SPTB: variants seen among roughly 807,000 people sequenced by gnomAD.
SPTB encodes spectrin beta chain, erythrocytic.
A neutral mutation model predicts 256.2 loss-of-function variants in SPTB; 45 were observed. That is an observed-to-expected ratio of 0.18 (90% CI 0.14 to 0.23). The LOEUF (loss-of-function observed/expected upper bound fraction) is 0.23. SPTB is among the 10% of genes least tolerant of loss of function. SPTB has a pLI of 1.00. For synonymous variants in SPTB, 1,231 were observed against 1,243.1 expected, an observed-to-expected ratio of 0.99 and a Z score of 0.21; for missense variants, 2,715 against 3,040.4, an observed-to-expected ratio of 0.89 and a Z score of 2.52.
At position 64,773,062 on chromosome 14, in the gene SPTB, C is replaced by T. The variant is rs557632104; in HGVS notation, c.5179-108G>A. 1,192 of 1,558,220 alleles carry T rather than the reference C, an allele frequency of 7.6e-4. 11 individuals carry two copies. In the South Asian group the frequency reaches 9.5e-3, roughly 12 times the overall value. Reference sequence around the variant, plus strand: ...GCAGCAACTGCAGCTCCGGGAGCTGCGCTGTCACACCTTCCCCAGGGCAGG... The same window carrying T: ...GCAGCAACTGCAGCTCCGGGAGCTGTGCTGTCACACCTTCCCCAGGGCAGG... On this transcript the variant is annotated intron_variant, in intron 25 of 35. Transcript: ENST00000644917.
intron 2 of SPTB, among the ~76,000 whole-genome samples, chr14:64,822,350 CTTCT>C (rs1458757606): frequency 1.9e-5 from 1 of 52,338 alleles, no homozygotes; most frequent in Non-Finnish European, 3.3e-5. Context: ...CCACCCCCAC[CTTCT>C]CTCTCTCTCT....
intron 1 of SPTB, among the ~76,000 whole-genome samples, chr14:64,839,337 A>G (rs903251901): frequency 5.3e-5 from 8 of 152,322 alleles, no homozygotes; most frequent in South Asian, 2.1e-4. Context: ...CAGGCTGCTC[A>G]CTGTCTGATT....
In SPTB at chr14:64,779,047, A is replaced by G. The variant is rs967173702; in HGVS notation, c.4563+110T>C. ...AGACCCCAAAGCTACCAACAAGAACAATAATCTGCTGTTGCTAGCCTTCTG... is the reference window on the plus strand; with the variant it reads ...AGACCCCAAAGCTACCAACAAGAACGATAATCTGCTGTTGCTAGCCTTCTG... On this transcript the variant is annotated intron_variant, in intron 22 of 35. Coordinates refer to ENST00000644917, the MANE Select transcript of SPTB (RefSeq NM_001355436.2). The surrounding 1 kb of genome is among the most constrained non-coding windows in gnomAD (Gnocchi z 4.2). The G allele has an allele frequency of 4.8e-5, 39 of 817,844 alleles. No homozygotes were observed. The highest frequency in any genetic ancestry group is 8.0e-5 in the Non-Finnish European group (39 of 484,616). 50.7% of individuals were successfully genotyped at this position (817,844 alleles called of 1,614,324 possible).
chr14:64,774,613 C>G lies in SPTB; in HGVS notation c.4843-86G>C. 4 of 1,541,398 alleles carry G rather than the reference C, an allele frequency of 2.6e-6. No individual in the cohort carries two copies. The Admixed American group carries it at 7.8e-5, about 30-fold the overall frequency. On this transcript the variant is annotated intron_variant, in intron 23 of 35. Transcript: ENST00000644917. ...AGTTGTGCCCCCACTCCTGGAGGTGCCCGAGGGAGGAGGGGAGTAGGCTTG... is the reference window on the plus strand; with the variant it reads ...AGTTGTGCCCCCACTCCTGGAGGTGGCCGAGGGAGGAGGGGAGTAGGCTTG...
intron 2 of SPTB, among the ~76,000 whole-genome samples, chr14:64,822,351 T>TTCTCTCTCTC (rs200994413): frequency 4.9e-4 from 4 of 8,210 alleles, no homozygotes; most frequent in African/African-American, 1.3e-3. Context: ...CACCCCCACC[T>TTCTCTCTCTC]TCTCTCTCTC....
rs1405728123 is a variant in SPTB at position 64,795,052 on chromosome 14, C to T, written c.1644+285G>A. Among the ~76,000 whole-genome samples the T allele has an allele frequency of 6.6e-6, 1 of 152,202 alleles. No individual in the cohort carries two copies. Among genetic ancestry groups the T allele is most frequent in the Non-Finnish European group, 1.5e-5 (1 of 68,032 alleles). On this transcript the variant is annotated intron_variant, in intron 12 of 35. Transcript: ENST00000644917. This position sits in a 1 kb window ranked among gnomAD's most constrained non-coding sequence, Gnocchi z 6.5. ...GATTCTCCAGGTTCCTGATTAATGT[C>T]TGTCTCTTCAAGGCCCTGAAGGTTG... is the stretch of plus-strand genomic sequence containing the variant.
chr14:64,801,444 C>A (rs747751142), intron 6 of SPTB, 44 bp from the exon 7 acceptor site: 4 of 1,450,626 alleles, frequency 2.8e-6, no homozygotes, highest in Non-Finnish European at 3.9e-6. Flanking sequence ...GCCACAGCAT[C>A]CCCACCAGGA....
At chr14:64,838,464 G>A (rs1594830891) in intron 1 of SPTB, among the ~76,000 whole-genome samples, 1 of 152,132 alleles carries the variant, frequency 6.6e-6, no homozygotes, top group East Asian at 1.9e-4. Context: ...ACAAGCCACG[G>A]ACTAGCTGGA....
At position 64,782,309 on chromosome 14, in the gene SPTB, C is replaced by G; in HGVS notation, c.4247G>C (p.Arg1416Pro). 1.9e-6 allele frequency: 3 copies of G among 1,614,208 alleles called. No homozygotes were observed. The highest frequency in any genetic ancestry group is 2.5e-6 in the Non-Finnish European group (3 of 1,180,040). Residue 1416 changes from arginine to proline, a missense_variant, in exon 20 of 36, where the codon CGG becomes CCG. Arg to Pro is a moderately radical substitution (Grantham distance 103). Around this residue, in one of 4 missense-constraint regions of SPTB, gnomAD observed 2,239 missense variants for 2,384.4 expected, o/e 0.94. Coordinates refer to ENST00000644917, the MANE Select transcript of SPTB (RefSeq NM_001355436.2). ...DPGKDLTSVN[R>P]MLAKLKRVED... is the part of the protein sequence containing the mutation. ...ACGTGCCTTCAGCTTAGCCAACATC[C>G]GATTGACACTGGTCAGGTCCTTGCC...
At chr14:64,878,403 A>G (rs191220672) in intron 1 of SPTB, among the ~76,000 whole-genome samples, 27 of 152,300 alleles carry the variant, frequency 1.8e-4, no homozygotes, top group Non-Finnish European at 3.4e-4. Flanking sequence ...CTTAGAAAAA[A>G]AAAGGTGTTT....
At chr14:64,781,850 T>C (rs781077157) in intron 20 of SPTB, among the ~76,000 whole-genome samples, 1 of 152,136 alleles carries the variant, frequency 6.6e-6, no homozygotes, top group African/African-American at 2.4e-5. Flanking sequence ...AAAGAAAATA[T>C]GATACATATA....
At chr14:64,803,472 T>C in intron 4 of SPTB, 135 bp downstream of exon 4, 2 of 1,106,460 alleles carry the variant, frequency 1.8e-6, no homozygotes, top group Non-Finnish European at 2.7e-6. Context: ...CTACAAGCAC[T>C]GTCCCATGTG....
chr14:64,794,456 C>T lies in SPTB; in HGVS notation c.1795+11G>A, dbSNP rs563928990. The T allele has an allele frequency of 2.4e-5, 38 of 1,614,180 alleles. No homozygotes were observed. The highest frequency in any genetic ancestry group is 3.1e-5 in the Non-Finnish European group (36 of 1,180,038). On this transcript the variant is annotated intron_variant, in intron 13 of 35. Transcript: ENST00000644917. ...TGGAAGCCTCAAAAGGGGAGACAGACTTGGTCTCACCTTTCCCCTCGGTGA... is the reference window on the plus strand; with the variant it reads ...TGGAAGCCTCAAAAGGGGAGACAGATTTGGTCTCACCTTTCCCCTCGGTGA...
At position 64,854,190 on chromosome 14, in the gene SPTB, T is replaced by TCAAAA. The variant is rs542125588; in HGVS notation, c.-52+25597_-52+25601dup. Among the ~76,000 whole-genome samples, 37 of 143,696 alleles carry TCAAAA rather than the reference T, an allele frequency of 2.6e-4. 1 individual carries two copies. The South Asian group carries it at 5.3e-3, about 21-fold the overall frequency. 94.3% of individuals were successfully genotyped at this position (143,696 alleles called of 152,430 possible). A position where few individuals can be genotyped will look rare whatever the true frequency, so the allele number is the denominator to read the frequency against. On this transcript the variant is annotated intron_variant, in intron 1 of 35. Transcript: ENST00000644917. ...CTGGGCGACAGAGTGAGACTCCGCC[T>TCAAAA]CAAAACAAAACAAAACAAAACAAAC...
intron 15 of SPTB, among the ~76,000 whole-genome samples, chr14:64,791,502 G>A (rs912616257): frequency 4.3e-5 from 6 of 140,406 alleles, no homozygotes; most frequent in Non-Finnish European, 4.6e-5. Context: ...GGAGGTGGAA[G>A]TTGCAGTGAG....
intron 1 of SPTB, among the ~76,000 whole-genome samples, chr14:64,856,565 T>G (rs1187032922): frequency 1.3e-5 from 2 of 152,136 alleles, no homozygotes; most frequent in African/African-American, 2.4e-5. Context: ...TCACCAAGCC[T>G]TCTTCCATTT....
At position 64,785,736 on chromosome 14, in the gene SPTB, G is replaced by A. The variant is rs1479395707; in HGVS notation, c.3764+13C>T. 2.5e-6 allele frequency: 4 copies of A among 1,613,942 alleles called. No individual in the cohort carries two copies. Among genetic ancestry groups the A allele is most frequent in the East Asian group, 4.5e-5 (2 of 44,882 alleles). On this transcript the variant is annotated intron_variant, in intron 17 of 35. Coordinates refer to ENST00000644917, the MANE Select transcript of SPTB (RefSeq NM_001355436.2). This position sits in a 1 kb window ranked among gnomAD's most constrained non-coding sequence, Gnocchi z 4.4. The stretch of plus-strand genomic sequence containing the variant: ...GGCTCTGGGGGCCTCGTGGCCCTGG[G>A]GCCCGGGAGTACCTGTCCTCAATCA...
chr14:64,793,393 G>A lies in SPTB; in HGVS notation c.2270C>T (p.Ala757Val). Residue 757 changes from alanine to valine, a missense_variant, in exon 14 of 36, where the codon GCT (alanine) becomes GTT (valine). By Grantham distance (64) the Ala-to-Val change is moderately conservative. This residue lies in a region of SPTB where 2,239 missense variants were observed against 2,384.4 expected (regional missense o/e 0.94). Transcript: ENST00000644917. This position sits in a 1 kb window ranked among gnomAD's most constrained non-coding sequence, Gnocchi z 7.0. The stretch of plus-strand genomic sequence containing the variant: ...CAGCCGGTGGGCGTCTTGCAGCCAA[G>A]CCTTCAGGTCATCCGCATCGCCCTG... ...QFQGDADDLK[A>V]WLQDAHRLLS... is the part of the protein sequence containing the mutation. 4 of 1,613,158 alleles carry A rather than the reference G, an allele frequency of 2.5e-6. No homozygotes were observed. Among genetic ancestry groups the A allele is most frequent in the Non-Finnish European group, 3.4e-6 (4 of 1,180,024 alleles).
intron 32 of SPTB, chr14:64,766,421 G>A (rs2082183387): frequency 7.2e-7 from 1 of 1,391,018 alleles, no homozygotes; most frequent in Non-Finnish European, 9.3e-7. Flanking sequence ...TCATGTAAAT[G>A]GTGATATATT....
Sources: allele counts gnomAD v4.1 joint callset (sites outside exome capture counted in the v4.1 genomes callset), GRCh38; gene constraint gnomAD v4.1.1; regional missense constraint gnomAD v4.1.1; non-coding constraint Gnocchi (gnomAD v3.1); transcripts MANE v1.5; gene names NCBI Gene and HGNC (gene_info 2026-07-23, HGNC 2026-07-21).